Variants in CPNE4 observed in about 807,000 individuals in gnomAD.
The protein encoded by CPNE4 is copine-4.
A neutral mutation model predicts 67.9 loss-of-function variants in CPNE4; 25 were observed. The ratio of observed to expected loss-of-function variants is 0.37; its 90% CI spans 0.27 to 0.51. The LOEUF (loss-of-function observed/expected upper bound fraction) is 0.51. Ranked by LOEUF, CPNE4 falls within the 20% of genes least tolerant of loss-of-function variation. The probability of loss-of-function intolerance (pLI) is 0.93; values close to 1 mark genes in which losing one functional copy is unlikely to be tolerated. For synonymous variants in CPNE4, 242 were observed against 244.9 expected (o/e 0.99, Z 0.11); for missense variants, 464 against 690.8 (o/e 0.67, Z 3.68).
At chr3:132,023,747 A>G (rs950819892) in intron 1 of CPNE4, among the ~76,000 whole-genome samples, 2 of 152,238 alleles carry the variant, frequency 1.3e-5, no homozygotes, top group East Asian at 1.9e-4. Context: ...TCGGCCTCCC[A>G]AAGTGCTGGG....
At chr3:131,994,673 A>T (rs1045543126) in intron 1 of CPNE4, among the ~76,000 whole-genome samples, 1 of 152,312 alleles carries the variant, frequency 6.6e-6, no homozygotes, top group East Asian at 1.9e-4. Context: ...TAAGGTCTGA[A>T]TACATTAAAG....
At chr3:131,834,190 ATTCCC>A (rs2085474695) in intron 2 of CPNE4, among the ~76,000 whole-genome samples, 2 of 152,198 alleles carry the variant, frequency 1.3e-5, no homozygotes, top group African/African-American at 2.4e-5. Context: ...TGTGGTTTAA[ATTCCC>A]TTTTTAGATT....
chr3:131,573,082 G>A (rs1201580749), intron 10 of CPNE4, among the ~76,000 whole-genome samples: 1 of 152,110 alleles, frequency 6.6e-6, no homozygotes, highest in Non-Finnish European at 1.5e-5. Flanking sequence ...TGACATAGAA[G>A]TGACTGGTAT....
intron 1 of CPNE4, among the ~76,000 whole-genome samples, chr3:131,931,644 C>A (rs2107832051): frequency 6.6e-6 from 1 of 152,184 alleles, no homozygotes; most frequent in South Asian, 2.1e-4. Flanking sequence ...GTCCCCTCCC[C>A]CATTTCATCC....
At chr3:131,566,201 A>G (rs993214865) in intron 10 of CPNE4, among the ~76,000 whole-genome samples, 53 of 152,028 alleles carry the variant, frequency 3.5e-4, no homozygotes, top group African/African-American at 1.3e-3. Context: ...GAGACTTGCT[A>G]GGAGGCAACC....
Position 132,034,670 on chromosome 3 carries a change from G to A in CPNE4, c.-105C>T. On this transcript the variant is annotated 5_prime_UTR_variant, in exon 1 of 16. Transcript: ENST00000429747. ...CGGCTTTGAAGTGGAGGTGGTTGGT[G>A]TGGTAGTTTTGTACTGATGTAAGGG... 1.0e-6 allele frequency: 1 copy of A among 985,396 alleles called. No individual in the cohort carries two copies. The highest frequency in any genetic ancestry group is 1.2e-6 in the Non-Finnish European group (1 of 829,982). 61.0% of individuals were successfully genotyped at this position (985,396 alleles called of 1,614,324 possible).
chr3:131,902,503 T>C (rs1000095171), intron 2 of CPNE4, among the ~76,000 whole-genome samples: 3 of 152,076 alleles, frequency 2.0e-5, no homozygotes, highest in African/African-American at 7.2e-5. Context: ...AGGGTATATC[T>C]GGAAGGAATT....
At chr3:131,865,793 G>C (rs763645201) in intron 2 of CPNE4, among the ~76,000 whole-genome samples, 2 of 152,214 alleles carry the variant, frequency 1.3e-5, no homozygotes, top group Non-Finnish European at 2.9e-5. Context: ...TAGTACATAG[G>C]TATTTATTAA....
intron 7 of CPNE4, among the ~76,000 whole-genome samples, chr3:131,649,537 A>T (rs2079755283): frequency 6.6e-6 from 1 of 152,168 alleles, no homozygotes; most frequent in Admixed American, 6.5e-5. Context: ...AGCTAGAAGA[A>T]CTGGCTTTAT....
rs902947267 is a variant in CPNE4, at chr3:131,754,577, G to C, written c.181-30952C>G. Among the ~76,000 whole-genome samples, 4 of 152,160 alleles carry C rather than the reference G, an allele frequency of 2.6e-5. No homozygotes were observed. In the East Asian group the frequency reaches 7.7e-4, roughly 29 times the overall value. ...TAACTTTTCCCCCTGTGTTGGAATA[G>C]ATTCTGATTCTTTGTATGTATGTGG... On this transcript the variant is annotated intron_variant, in intron 2 of 15. Coordinates refer to ENST00000429747, the MANE Select transcript of CPNE4 (RefSeq NM_130808.3).
At chr3:132,031,541 C>T (rs2074235444) in intron 1 of CPNE4, among the ~76,000 whole-genome samples, 1 of 152,194 alleles carries the variant, frequency 6.6e-6, no homozygotes, top group Non-Finnish European at 1.5e-5. Context: ...CTGTCTCATT[C>T]TTTGTTCTGG....
chr3:131,573,319 C>G (rs1937428113), intron 10 of CPNE4, among the ~76,000 whole-genome samples: 1 of 152,090 alleles, frequency 6.6e-6, no homozygotes, highest in Non-Finnish European at 1.5e-5. Flanking sequence ...GCATGGGGAG[C>G]TGCAACTGGG....
At chr3:131,717,905 T>TC (rs2081760786) in intron 3 of CPNE4, among the ~76,000 whole-genome samples, 1 of 121,886 alleles carries the variant, frequency 8.2e-6, no homozygotes, top group African/African-American at 2.7e-5. Flanking sequence ...TTTCTTTCTT[T>TC]CTTTCTTTCT....
At chr3:131,767,307 G>T (rs1214572960) in intron 2 of CPNE4, among the ~76,000 whole-genome samples, 1 of 151,726 alleles carries the variant, frequency 6.6e-6, no homozygotes, top group Admixed American at 6.6e-5. Context: ...TTTAGGAAAA[G>T]ATCTTTCATC....
At chr3:131,878,687 G>A (rs906002171) in intron 2 of CPNE4, among the ~76,000 whole-genome samples, 3 of 152,182 alleles carry the variant, frequency 2.0e-5, no homozygotes, top group African/African-American at 7.2e-5. Context: ...CTGATTAGAT[G>A]ATTCAAATAA....
At position 131,581,643 on chromosome 3, in the gene CPNE4, G is replaced by A. The variant is rs751105787; in HGVS notation, c.803C>T (p.Pro268Leu). 6 of 1,613,026 alleles carry A rather than the reference G, an allele frequency of 3.7e-6. No individual in the cohort carries two copies. In the Admixed American group the frequency reaches 1.0e-4, roughly 27 times the overall value. Residue 268 changes from proline to leucine, a missense_variant, in exon 9 of 16, where the codon CCC (proline) becomes CTC (leucine). Transcript: ENST00000429747. Reference protein sequence around the residue: ...GKQVQWECINPKYKAKKKNYK... With the variant: ...GKQVQWECINLKYKAKKKNYK... ...ATTCTTCTTCTTGGCTTTGTACTTG[G>A]GATTGATGCACTCCCACTGCACCTG... is the stretch of plus-strand genomic sequence containing the variant.
At chr3:131,811,778 A>G (rs1020005286) in intron 2 of CPNE4, among the ~76,000 whole-genome samples, 1 of 152,186 alleles carries the variant, frequency 6.6e-6, no homozygotes, top group Non-Finnish European at 1.5e-5. Flanking sequence ...GGAAGCATGG[A>G]TATTGTGTCA....
chr3:132,003,429 T>A (rs2073505570), intron 1 of CPNE4, among the ~76,000 whole-genome samples: 1 of 152,066 alleles, frequency 6.6e-6, no homozygotes, highest in South Asian at 2.1e-4. Context: ...CCCCAGGACC[T>A]TGCCTAGATA....
At chr3:131,998,507 G>A (rs529221459) in intron 1 of CPNE4, among the ~76,000 whole-genome samples, 60 of 152,202 alleles carry the variant, frequency 3.9e-4, no homozygotes, top group African/African-American at 1.3e-3. Flanking sequence ...TGGATGCTGC[G>A]AATCCCCAGC....
Sources: gnomAD v4.1 joint callset for allele counts (sites outside exome capture counted in the v4.1 genomes callset) on GRCh38, gnomAD v4.1.1 for gene constraint, MANE v1.5 for transcripts, NCBI Gene and HGNC (gene_info 2026-07-23, HGNC 2026-07-21) for gene names.